TAFA2: variants seen among roughly 807,000 people sequenced by gnomAD.
TAFA2 encodes the protein chemokine-like protein TAFA-2.
In TAFA2, 7 loss-of-function variants were observed where a neutral mutation model predicts 18.8. The observed-to-expected ratio is 0.37, with a 90% CI of 0.21 to 0.70. The LOEUF is 0.70. Ranked by LOEUF, TAFA2 falls within the 30% of genes least tolerant of loss-of-function variation. The pLI is 0.53. For missense variants in TAFA2, 122 were observed against 158.1 expected (o/e 0.77, Z 1.23); for synonymous variants, 60 against 54.2 (o/e 1.11, Z -0.47).
intron 1 of TAFA2, among the ~76,000 whole-genome samples, chr12:61,914,642 TA>T (rs1364359981): frequency 1.3e-5 from 2 of 152,164 alleles, no homozygotes; most frequent in Admixed American, 1.3e-4. Flanking sequence ...CATTGCTAGA[TA>T]GTAGTACCTG....
intron 2 of TAFA2, among the ~76,000 whole-genome samples, chr12:61,856,165 T>A (rs1873875790): frequency 6.6e-6 from 1 of 151,882 alleles, no homozygotes; most frequent in Non-Finnish European, 1.5e-5. Flanking sequence ...TCAAAAAAAA[T>A]TACCTACAGC....
At chr12:61,898,085 ATCT>A (rs1287636269) in intron 1 of TAFA2, among the ~76,000 whole-genome samples, 2 of 152,218 alleles carry the variant, frequency 1.3e-5, no homozygotes, top group East Asian at 1.9e-4. Flanking sequence ...CTCCAAAACA[ATCT>A]TCTTCTAACC....
At chr12:61,891,509 GT>G (rs1177082064) in intron 1 of TAFA2, among the ~76,000 whole-genome samples, 3 of 152,150 alleles carry the variant, frequency 2.0e-5, no homozygotes, top group Admixed American at 6.5e-5. Flanking sequence ...TTAGCTGGGT[GT>G]GGTGGCGCAT....
At chr12:62,077,995 G>C (rs1868263647) in intron 1 of TAFA2, among the ~76,000 whole-genome samples, 1 of 152,162 alleles carries the variant, frequency 6.6e-6, no homozygotes, top group Non-Finnish European at 1.5e-5. Flanking sequence ...CAAATAATCT[G>C]TTAGCCCTCC....
intron 1 of TAFA2, among the ~76,000 whole-genome samples, chr12:62,183,031 C>T (rs1241455268): frequency 1.3e-5 from 2 of 152,210 alleles, no homozygotes; most frequent in South Asian, 4.1e-4. Flanking sequence ...CTAGAGAGTG[C>T]TTTCTATGGA....
chr12:62,096,465 T>C (rs79504849), intron 1 of TAFA2, among the ~76,000 whole-genome samples: 8,240 of 152,190 alleles, frequency 0.054, 335 homozygotes, highest in Non-Finnish European at 0.083. Flanking sequence ...AGAACATTTG[T>C]TTTTTAAAAA....
intron 4 of TAFA2, among the ~76,000 whole-genome samples, chr12:61,735,418 T>C (rs1280734267): frequency 6.6e-6 from 1 of 152,118 alleles, no homozygotes; most frequent in African/African-American, 2.4e-5. Flanking sequence ...ATAATAATTG[T>C]ACATATTTAT....
chr12:61,786,255 T>C (rs1870733599), intron 2 of TAFA2, among the ~76,000 whole-genome samples: 1 of 151,596 alleles, frequency 6.6e-6, no homozygotes, highest in Admixed American at 6.6e-5. Flanking sequence ...GAGTAGGGGA[T>C]AATTAGTTCT....
At chr12:61,810,162 C>G (rs1871805720) in intron 2 of TAFA2, among the ~76,000 whole-genome samples, 1 of 151,352 alleles carries the variant, frequency 6.6e-6, no homozygotes, top group Non-Finnish European at 1.5e-5. Context: ...AAATGCATAC[C>G]ATAACATTTT....
intron 1 of TAFA2, among the ~76,000 whole-genome samples, chr12:62,220,014 A>T (rs1795744497): frequency 6.6e-6 from 1 of 152,206 alleles, no homozygotes; most frequent in Admixed American, 6.5e-5. Flanking sequence ...GCATTTTTAA[A>T]CAACTAAATT....
At chr12:61,904,926 T>A (rs1004363171) in intron 1 of TAFA2, among the ~76,000 whole-genome samples, 1 of 152,158 alleles carries the variant, frequency 6.6e-6, no homozygotes, top group Non-Finnish European at 1.5e-5. Context: ...AAATCTACTG[T>A]GTTGATTTTA....
At chr12:61,836,175 G>T (rs1194389913) in intron 2 of TAFA2, among the ~76,000 whole-genome samples, 2 of 151,840 alleles carry the variant, frequency 1.3e-5, no homozygotes, top group Non-Finnish European at 2.9e-5. Flanking sequence ...TATATCAGTT[G>T]TACATGTTAC....
chr12:62,253,059 C>G (rs1486289413), intron 1 of TAFA2: 1 of 152,174 alleles, frequency 6.6e-6, no homozygotes. Flanking sequence ...GTCTCTGTTC[C>G]TGACAGGTTG....
At chr12:61,745,701 A>G (rs1347101347) in intron 4 of TAFA2, among the ~76,000 whole-genome samples, 1 of 152,102 alleles carries the variant, frequency 6.6e-6, no homozygotes, top group Non-Finnish European at 1.5e-5. Flanking sequence ...TGATTATTCA[A>G]ACAAACACTA....
chr12:61,939,982 A>G (rs1336491792), intron 1 of TAFA2, among the ~76,000 whole-genome samples: 1 of 152,220 alleles, frequency 6.6e-6, no homozygotes, highest in Non-Finnish European at 1.5e-5. Context: ...CAGCTTCCTC[A>G]TATGTAAAAT....
At chr12:62,196,158 C>A (rs952461418), upstream of TAFA2, among the ~76,000 whole-genome samples, 1 of 152,182 alleles carries the variant, frequency 6.6e-6, no homozygotes, top group Non-Finnish European at 1.5e-5. Flanking sequence ...AGATTTTTTA[C>A]CTTTCTTTCA....
At chr12:61,784,368 G>A (rs1054126540) in intron 2 of TAFA2, among the ~76,000 whole-genome samples, 13 of 151,490 alleles carry the variant, frequency 8.6e-5, no homozygotes, top group Non-Finnish European at 1.5e-4. Flanking sequence ...GAGAGGTGAT[G>A]TAAAAGATGA....
intron 1 of TAFA2, among the ~76,000 whole-genome samples, chr12:61,940,894 AG>A (rs546049779): frequency 0.031 from 4,647 of 152,292 alleles, 121 homozygotes; most frequent in Non-Finnish European, 0.048. Flanking sequence ...AATTTATTTA[AG>A]GGGAAAATAA....
chr12:61,943,785 A>C (rs1475822556), intron 1 of TAFA2, among the ~76,000 whole-genome samples: 84 of 134,784 alleles, frequency 6.2e-4, no homozygotes, highest in Non-Finnish European at 1.2e-3. Flanking sequence ...CCAATACAGG[A>C]GCACCCAGAT....
Sources: gnomAD v4.1 joint callset for allele counts (sites outside exome capture counted in the v4.1 genomes callset) on GRCh38, gnomAD v4.1.1 for gene constraint, MANE v1.5 for transcripts, NCBI Gene and HGNC (gene_info 2026-07-23, HGNC 2026-07-21) for gene names.